Variants in NMT1 observed in about 807,000 individuals in gnomAD.
NMT1 encodes N-myristoyltransferase 1.
In NMT1, 12 loss-of-function variants were observed where a neutral mutation model predicts 63.4. The observed-to-expected ratio is 0.19, with a 90% CI of 0.12 to 0.31. The LOEUF (loss-of-function observed/expected upper bound fraction) is 0.31, where lower values mean the gene tolerates loss of function less well. Among genes scored for constraint, NMT1 ranks in the 10% least tolerant of loss-of-function variants. The pLI, the probability that NMT1 is intolerant of heterozygous loss-of-function variation, is 1.00. For missense variants in NMT1, 432 were observed against 634.6 expected (o/e 0.68, Z 3.43); for synonymous variants, 228 against 234.3 (o/e 0.97, Z 0.25).
Position 45,106,326 on chromosome 17 carries a change from T to C in NMT1, c.*687T>C, listed in dbSNP as rs943909863. 1 of 152,664 alleles carries C rather than the reference T, an allele frequency of 6.6e-6. No individual in the cohort carries two copies. Among genetic ancestry groups the C allele is most frequent in the Non-Finnish European group, 1.5e-5 (1 of 68,046 alleles). The allele number at this position is 152,664 out of a possible 1,614,324, so 9.5% of individuals were successfully genotyped here. A position where few individuals can be genotyped will look rare whatever the true frequency, so the allele number is the denominator to read the frequency against. On this transcript the variant is annotated 3_prime_UTR_variant, in exon 12 of 12. Coordinates refer to ENST00000258960, the MANE Select transcript of NMT1 (RefSeq NM_021079.5). ...CCTGCAGGGCCAGACCTGCCTGCAT[T>C]CTGAGACAAAGCAATGGACGGTCCG...
chr17:45,097,589 CAA>C (rs2054134041), intron 6 of NMT1, among the ~76,000 whole-genome samples: 1 of 152,104 alleles, frequency 6.6e-6, no homozygotes, highest in African/African-American at 2.4e-5. Flanking sequence ...CTCCTGAGCT[CAA>C]GTGATCCACT....
In NMT1 at chr17:45,062,926, C is replaced by T. The variant is rs551003164; in HGVS notation, c.131+1466C>T. On this transcript the variant is annotated intron_variant, in intron 1 of 11. Coordinates refer to ENST00000258960, the MANE Select transcript of NMT1 (RefSeq NM_021079.5). Reference sequence around the variant, plus strand: ...GTTCTTCAGCCGGCATTAAAAATCACAGGAAGGGCCGGGCATGGTGGCTCA... The same window carrying T: ...GTTCTTCAGCCGGCATTAAAAATCATAGGAAGGGCCGGGCATGGTGGCTCA... 5.3e-5 allele frequency among the ~76,000 whole-genome samples: 8 copies of T among 152,214 alleles called. No individual in the cohort carries two copies. The South Asian group carries it at 1.7e-3, about 32-fold the overall frequency.
At chr17:45,064,538 T>C (rs2053889444) in intron 1 of NMT1, among the ~76,000 whole-genome samples, 1 of 152,178 alleles carries the variant, frequency 6.6e-6, no homozygotes, top group Non-Finnish European at 1.5e-5. Flanking sequence ...AAATCTGGTC[T>C]GAGGCCAGGC....
intron 1 of NMT1, among the ~76,000 whole-genome samples, chr17:45,072,346 C>T (rs1175929250): frequency 1.3e-5 from 2 of 150,700 alleles, no homozygotes; most frequent in South Asian, 2.1e-4. Flanking sequence ...TGCAACCTCC[C>T]CCTCCCAGGT....
At chr17:45,100,862 C>CAAAAAAAAA (rs71136069) in intron 8 of NMT1, among the ~76,000 whole-genome samples, 7 of 32,604 alleles carry the variant, frequency 2.1e-4, no homozygotes, top group African/African-American at 2.6e-4. Flanking sequence ...GACTCCGTCT[C>CAAAAAAAAA]AAAAAAAAAA....
chr17:45,097,465 C>T (rs898706370), intron 6 of NMT1, among the ~76,000 whole-genome samples: 1 of 152,020 alleles, frequency 6.6e-6, no homozygotes, highest in African/African-American at 2.4e-5. Flanking sequence ...TTGGAAGGAG[C>T]CCACCCTGAG....
chr17:45,093,653 G>C (rs1357833685), intron 3 of NMT1, 32 bp from the exon 4 acceptor site: 41 of 1,598,112 alleles, frequency 2.6e-5, no homozygotes, highest in Non-Finnish European at 3.4e-5. Flanking sequence ...AGGGGGCAAA[G>C]GGTGAGGCTC....
In NMT1 at chr17:45,076,344, G is replaced by T. The variant is rs191112925; in HGVS notation, c.132-5300G>T. Reference sequence around the variant, plus strand: ...CTTGGAAGTCTGGTTTTGCTGAATTGGTTGTCTTCTGTTTGGGGGTGTTGA... The same window carrying T: ...CTTGGAAGTCTGGTTTTGCTGAATTTGTTGTCTTCTGTTTGGGGGTGTTGA... On this transcript the variant is annotated intron_variant, in intron 1 of 11. Transcript: ENST00000258960. Among the ~76,000 whole-genome samples, 454 of 151,888 alleles carry T rather than the reference G, an allele frequency of 3.0e-3. 3 individuals carry two copies. The highest frequency in any genetic ancestry group is 0.024 in the Middle Eastern group (7 of 294).
chr17:45,098,265 T>C, intron 6 of NMT1, 117 bp from the exon 7 acceptor site: 1 of 943,316 alleles, frequency 1.1e-6, no homozygotes, highest in Non-Finnish European at 1.6e-6. Context: ...AGGTGGCAGC[T>C]AAAAGTACAC....
intron 3 of NMT1, among the ~76,000 whole-genome samples, chr17:45,092,689 G>A (rs185768074): frequency 9.2e-5 from 13 of 141,874 alleles, no homozygotes; most frequent in African/African-American, 2.9e-4. Flanking sequence ...CAACCTGGGC[G>A]ACAGAATGAG....
In NMT1 at chr17:45,098,493, C is replaced by T; in HGVS notation, c.825C>T (p.Gly275=). ...TCACCAGGCGGGTTCACCTGGAGGG[C>T]ATCTTCCAAGCAGTTTACACTGCCG... is the stretch of plus-strand genomic sequence containing the variant. ...REITRRVHLE[G]IFQAVYTAGV... The change falls in exon 7 of 12, where the codon GGC becomes GGT. Residue 275 remains glycine, a synonymous_variant. Transcript: ENST00000258960. The T allele has an allele frequency of 6.2e-7, 1 of 1,614,204 alleles. No individual in the cohort carries two copies. The highest frequency in any genetic ancestry group is 8.5e-7 in the Non-Finnish European group (1 of 1,180,010).
intron 1 of NMT1, among the ~76,000 whole-genome samples, chr17:45,065,808 TAG>T (rs2053899122): frequency 6.6e-6 from 1 of 151,826 alleles, no homozygotes; most frequent in Admixed American, 6.6e-5. Flanking sequence ...CTTTCAATGC[TAG>T]AGAGTCTAAA....
At position 45,105,421 on chromosome 17, in the gene NMT1, A is replaced by C. The variant is rs974221219; in HGVS notation, c.1471-198A>C. ...ATAGGGGTGAGCTGGAGCGTGGGCC[A>C]GTTTTCCCTGGGAGGTCTGATGGAC... is the stretch of plus-strand genomic sequence containing the variant. On this transcript the variant is annotated intron_variant, in intron 11 of 11. Coordinates refer to ENST00000258960, the MANE Select transcript of NMT1 (RefSeq NM_021079.5). The surrounding 1 kb of genome is among the most constrained non-coding windows in gnomAD (Gnocchi z 4.2). Among the ~76,000 whole-genome samples the C allele has an allele frequency of 6.6e-6, 1 of 152,104 alleles. No homozygotes were observed. Among genetic ancestry groups the C allele is most frequent in the Non-Finnish European group, 1.5e-5 (1 of 68,014 alleles).
At chr17:45,093,639 C>T (rs369167015) in intron 3 of NMT1, 46 bp from the exon 4 acceptor site, 134 of 1,556,448 alleles carry the variant, frequency 8.6e-5, no homozygotes, top group Middle Eastern at 8.4e-4. Context: ...CCTTTACTGC[C>T]CCGAGGGGGC....
Position 45,086,499 on chromosome 17 carries a change from C to G in NMT1, c.241-9C>G. On this transcript the variant is annotated splice_polypyrimidine_tract_variant and intron_variant, in intron 2 of 11. Coordinates refer to ENST00000258960, the MANE Select transcript of NMT1 (RefSeq NM_021079.5). ...GGGCCTTTTTTCTCCCCAACTTTGT[C>G]TTGTCCAGATGAACTCTTTGCCAGC... is the stretch of plus-strand genomic sequence containing the variant. 1 of 1,598,856 alleles carries G rather than the reference C, an allele frequency of 6.3e-7. No individual in the cohort carries two copies. Among genetic ancestry groups the G allele is most frequent in the Non-Finnish European group, 8.5e-7 (1 of 1,175,072 alleles).
rs1555604551 is a variant in NMT1, at chr17:45,069,273, A to ATTATTTATTTATTTATTTAT, written c.131+7828_131+7847dup. Among the ~76,000 whole-genome samples, 124 of 137,674 alleles carry ATTATTTATTTATTTATTTAT rather than the reference A, an allele frequency of 9.0e-4. No homozygotes were observed. The Middle Eastern group carries it at 0.012, about 13-fold the overall frequency. 90.3% of individuals were successfully genotyped at this position (137,674 alleles called of 152,430 possible). On this transcript the variant is annotated intron_variant, in intron 1 of 11. Transcript: ENST00000258960. Reference sequence around the variant, plus strand: ...CATGCCTGGCCAGACTTTATTTTTTATTATTTATTTATTTATTTATTTATT... The same window carrying ATTATTTATTTATTTATTTAT: ...CATGCCTGGCCAGACTTTATTTTTTATTATTTATTTATTTATTTATTTATTTATTTATTTATTTATTTATT...
Position 45,105,628 on chromosome 17 carries a change from G to A in NMT1, c.1480G>A (p.Val494Met). 1.2e-6 allele frequency: 2 copies of A among 1,613,368 alleles called. No homozygotes were observed. Among genetic ancestry groups the A allele is most frequent in the Non-Finnish European group, 1.7e-6 (2 of 1,179,854 alleles). The part of the protein sequence containing the change: ...PSMGAEKVGL[V>M]LQ ...CTGTTGGCTTTCCTAGGTTGGACTG[G>A]TGCTACAATAACCAGTCACCAGTGC... is the stretch of plus-strand genomic sequence containing the variant. The change falls in exon 12 of 12, where the codon GTG (valine) becomes ATG (methionine). Residue 494 changes from valine to methionine, a missense_variant. Coordinates refer to ENST00000258960, the MANE Select transcript of NMT1 (RefSeq NM_021079.5). The surrounding 1 kb of genome is among the most constrained non-coding windows in gnomAD (Gnocchi z 4.2).
chr17:45,096,852 A>G (rs1286979151), intron 5 of NMT1, among the ~76,000 whole-genome samples: 1 of 152,252 alleles, frequency 6.6e-6, no homozygotes, highest in African/African-American at 2.4e-5. Flanking sequence ...ACCTTGGTTC[A>G]AGCTGTCAAA....
rs1315823029 is a variant in NMT1, at chr17:45,081,716, C to T, written c.204C>T (p.Gly68=). 6.3e-7 allele frequency: 1 copy of T among 1,594,934 alleles called. No homozygotes were observed. The highest frequency in any genetic ancestry group is 8.6e-7 in the Non-Finnish European group (1 of 1,169,362). The change falls in exon 2 of 12, where the codon GGC becomes GGT. Residue 68 remains glycine (G), a synonymous_variant. Coordinates refer to ENST00000258960, the MANE Select transcript of NMT1 (RefSeq NM_021079.5). The part of the protein sequence containing the change: ...KKKQKKKKEK[G]SETDSAQDQP... ...AACAAAAAAAGAAGAAAGAAAAAGG[C>T]AGTGAGACAGATTCAGCCCAGGATC... is the stretch of plus-strand genomic sequence containing the variant.
Sources: gnomAD v4.1 joint callset for allele counts (sites outside exome capture counted in the v4.1 genomes callset) on GRCh38, gnomAD v4.1.1 for gene constraint, Gnocchi (gnomAD v3.1) non-coding constraint, MANE v1.5 for transcripts, NCBI Gene and HGNC (gene_info 2026-07-23, HGNC 2026-07-21) for gene names.